Variants in MAMDC2 observed in about 807,000 individuals in gnomAD.
MAMDC2 encodes MAM domain containing 2, also known as MAM domain-containing protein 2.
A neutral mutation model predicts 89.8 loss-of-function variants in MAMDC2; 57 were observed. The ratio of observed to expected loss-of-function variants is 0.63; its 90% CI spans 0.51 to 0.79. The LOEUF (loss-of-function observed/expected upper bound fraction) is 0.79, where lower values mean the gene tolerates loss of function less well. Ranked by LOEUF, MAMDC2 falls within the 30% of genes least tolerant of loss-of-function variation. The pLI is 0.00. For synonymous variants in MAMDC2, 313 were observed against 293.4 expected (o/e 1.07, Z -0.68); for missense variants, 800 against 820.6 (o/e 0.97, Z 0.31).
chr9:70,066,671 G>A (rs1350864193), intron 2 of MAMDC2, among the ~76,000 whole-genome samples: 2 of 152,090 alleles, frequency 1.3e-5, no homozygotes, highest in Non-Finnish European at 2.9e-5. Flanking sequence ...CCAGCCAAAA[G>A]GAAAAGCTAT....
intron 2 of MAMDC2, chr9:70,062,838 C>A (rs1353227209): frequency 6.6e-6 from 1 of 152,172 alleles, no homozygotes; most frequent in Non-Finnish European, 1.5e-5. Context: ...AAAAACTTAG[C>A]AGTTTTCAGC....
intron 2 of MAMDC2, among the ~76,000 whole-genome samples, chr9:70,057,622 G>A (rs900104840): frequency 8.5e-5 from 13 of 152,166 alleles, no homozygotes; most frequent in African/African-American, 2.9e-4. Context: ...ATTTATGAGC[G>A]ATCTCTTGCT....
intron 11 of MAMDC2, among the ~76,000 whole-genome samples, chr9:70,213,401 G>A (rs932334026): frequency 1.3e-5 from 2 of 151,938 alleles, no homozygotes; most frequent in African/African-American, 4.8e-5. Flanking sequence ...TTTTTTTCTT[G>A]TCTTAAAAAT....
chr9:70,054,378 A>T (rs562919135), intron 2 of MAMDC2, among the ~76,000 whole-genome samples: 10 of 152,238 alleles, frequency 6.6e-5, no homozygotes, highest in Admixed American at 2.6e-4. Context: ...ATGTATGAGA[A>T]GAATTAGGAA....
chr9:70,117,763 G>C lies in MAMDC2; in HGVS notation c.643+4631G>C, dbSNP rs1211231070. 2.7e-5 allele frequency among the ~76,000 whole-genome samples: 4 copies of C among 147,378 alleles called. 1 individual carries two copies. On this transcript the variant is annotated intron_variant, in intron 5 of 13. Transcript: ENST00000377182. ...GGTGATATGTGGTCAAATAAACTGG[G>C]GAAACTCTGCATTAAAGAAAGCTAA...
At chr9:70,047,634 G>A (rs1239774888) in intron 2 of MAMDC2, among the ~76,000 whole-genome samples, 1 of 152,118 alleles carries the variant, frequency 6.6e-6, no homozygotes, top group Non-Finnish European at 1.5e-5. Flanking sequence ...CCATGTCTTT[G>A]CTATTGTAAA....
intron 11 of MAMDC2, chr9:70,171,929 G>C (rs2032362820): frequency 6.6e-6 from 1 of 152,308 alleles, no homozygotes; most frequent in South Asian, 2.1e-4. Context: ...CATGCAACCT[G>C]TGGGCTGCAG....
At chr9:70,177,089 C>G (rs566545589) in intron 11 of MAMDC2, among the ~76,000 whole-genome samples, 1 of 152,114 alleles carries the variant, frequency 6.6e-6, no homozygotes, top group East Asian at 1.9e-4. Context: ...TTTGTTCCTA[C>G]TGTAGATCTC....
intron 11 of MAMDC2, among the ~76,000 whole-genome samples, chr9:70,174,160 T>A (rs1366167933): frequency 6.6e-6 from 1 of 152,204 alleles, no homozygotes; most frequent in Non-Finnish European, 1.5e-5. Flanking sequence ...ACCTGGCATA[T>A]GACAATTAAT....
rs768743168 is a variant in MAMDC2, at chr9:70,140,122, A to T, written c.995-23A>T. The T allele has an allele frequency of 5.2e-6, 8 of 1,543,162 alleles. No individual in the cohort carries two copies. The African/African-American group carries it at 1.1e-4, about 22-fold the overall frequency. On this transcript the variant is annotated intron_variant, in intron 7 of 13. Coordinates refer to ENST00000377182, the MANE Select transcript of MAMDC2 (RefSeq NM_153267.5). ...CTTTGAGATCTTTGGGACTGTCATT[A>T]ACTTTGCTTGTCCTTTGCTCAGAAC...
chr9:70,173,357 A>T (rs948207700), intron 11 of MAMDC2, among the ~76,000 whole-genome samples: 1 of 152,158 alleles, frequency 6.6e-6, no homozygotes, highest in Non-Finnish European at 1.5e-5. Context: ...TAGTTGCTCA[A>T]AAATGCCTAT....
chr9:70,154,660 G>C (rs2031691960), intron 9 of MAMDC2, among the ~76,000 whole-genome samples: 1 of 151,548 alleles, frequency 6.6e-6, no homozygotes, highest in Admixed American at 6.6e-5. Context: ...AAGTAGCTGG[G>C]GTGCAGAGCC....
At chr9:70,096,266 C>G (rs1226422331) in intron 2 of MAMDC2, among the ~76,000 whole-genome samples, 1 of 150,846 alleles carries the variant, frequency 6.6e-6, no homozygotes, top group Non-Finnish European at 1.5e-5. Context: ...GATTCTCCCA[C>G]CTCAGCCTCC....
At chr9:70,069,527 A>G (rs1827352608) in intron 2 of MAMDC2, among the ~76,000 whole-genome samples, 1 of 152,238 alleles carries the variant, frequency 6.6e-6, no homozygotes, top group Non-Finnish European at 1.5e-5. Flanking sequence ...AAATATGCAT[A>G]GTCTTTGGAT....
intron 6 of MAMDC2, 103 bp downstream of exon 6, chr9:70,126,518 T>G: frequency 8.3e-7 from 1 of 1,211,230 alleles, no homozygotes; most frequent in Non-Finnish European, 1.2e-6. Flanking sequence ...ACACTCAGTC[T>G]GTCTTTTCTG....
intron 9 of MAMDC2, among the ~76,000 whole-genome samples, chr9:70,160,734 AAGG>A (rs1452502863): frequency 6.6e-6 from 1 of 152,162 alleles, no homozygotes; most frequent in Non-Finnish European, 1.5e-5. Context: ...CTGCTGTGGA[AAGG>A]AGGAGATACT....
At chr9:70,069,594 TTAATGGCTAGTA>T (rs1827355100) in intron 2 of MAMDC2, among the ~76,000 whole-genome samples, 1 of 152,236 alleles carries the variant, frequency 6.6e-6, no homozygotes, top group Non-Finnish European at 1.5e-5. Flanking sequence ...ACTTTGTTCC[TTAATGGCTAGTA>T]GAGGCTAAAA....
chr9:70,097,931 G>A lies in MAMDC2; in HGVS notation c.149-10280G>A, dbSNP rs563075738. ...ATGGCAAGGAGAGGGGTGAAGAGAA[G>A]CCATTCCCATAAAAAACATGCACTG... On this transcript the variant is annotated intron_variant, in intron 2 of 13. Transcript: ENST00000377182. 2.0e-5 allele frequency among the ~76,000 whole-genome samples: 3 copies of A among 152,278 alleles called. No homozygotes were observed. The South Asian group carries it at 6.2e-4, about 32-fold the overall frequency.
At chr9:70,104,721 G>T (rs1257693953) in intron 2 of MAMDC2, among the ~76,000 whole-genome samples, 2 of 152,142 alleles carry the variant, frequency 1.3e-5, no homozygotes, top group Non-Finnish European at 2.9e-5. Context: ...TTTATATAAA[G>T]TTTCCAGAAT....
Sources: allele counts gnomAD v4.1 joint callset (sites outside exome capture counted in the v4.1 genomes callset), GRCh38; gene constraint gnomAD v4.1.1; transcripts MANE v1.5; gene names NCBI Gene and HGNC (gene_info 2026-07-23, HGNC 2026-07-21).